Variants in HMCN2 observed in about 807,000 individuals in gnomAD.
The protein encoded by HMCN2 is hemicentin-2.
Under a neutral mutation model 377.5 loss-of-function variants are expected in HMCN2, and 325 were observed. The observed-to-expected ratio is 0.86, with a 90% CI of 0.79 to 0.94. The LOEUF (loss-of-function observed/expected upper bound fraction) is 0.94, where lower values mean the gene tolerates loss of function less well. Ranked by LOEUF, HMCN2 falls within the 40% of genes least tolerant of loss-of-function variation. The probability of loss-of-function intolerance (pLI) is 0.00; values close to 1 mark genes in which losing one functional copy is unlikely to be tolerated. For synonymous variants in HMCN2, 2,007 were observed against 2,046.8 expected (o/e 0.98, Z 0.53); for missense variants, 4,543 against 4,725.3 (o/e 0.96, Z 1.13).
At chr9:130,397,747 A>C in intron 74 of HMCN2, 92 bp downstream of exon 74, 1 of 1,146,456 alleles carries the variant, frequency 8.7e-7, no homozygotes, top group Non-Finnish European at 1.1e-6. Flanking sequence ...AGGGGCCAAG[A>C]GCCAATGGTC....
chr9:130,327,687 C>G (rs1452927929), intron 22 of HMCN2, among the ~76,000 whole-genome samples: 1 of 152,206 alleles, frequency 6.6e-6, no homozygotes, highest in Non-Finnish European at 1.5e-5. Context: ...GGTGAGACTC[C>G]CCATCTGAAA....
intron 53 of HMCN2, among the ~76,000 whole-genome samples, chr9:130,378,999 G>A (rs1841553954): frequency 6.6e-6 from 1 of 152,176 alleles, no homozygotes; most frequent in African/African-American, 2.4e-5. Context: ...CCATGTTACA[G>A]GGAGTCTTTA....
In HMCN2 at chr9:130,391,240, A is replaced by AG; in HGVS notation, c.9705dup (p.His3236AlafsTer14). On this transcript the variant is annotated frameshift_variant, in exon 64 of 98. Coordinates refer to ENST00000683500, the MANE Select transcript of HMCN2 (RefSeq NM_001291815.2). LOFTEE classifies it high-confidence loss of function. ...ATCCGGAGCTCGGGCGTGGCGCGGG[A>AG]GCACCATGTCTTGGAAGGGCAGGAG... is the stretch of plus-strand genomic sequence containing the variant. 1 of 987,722 alleles carries AG rather than the reference A, an allele frequency of 1.0e-6. No homozygotes were observed. The highest frequency in any genetic ancestry group is 1.2e-6 in the Non-Finnish European group (1 of 830,138). 61.2% of individuals were successfully genotyped at this position (987,722 alleles called of 1,614,324 possible).
intron 85 of HMCN2, among the ~76,000 whole-genome samples, chr9:130,411,463 G>A (rs781118230): frequency 1.3e-5 from 2 of 151,962 alleles, no homozygotes; most frequent in Non-Finnish European, 2.9e-5. Flanking sequence ...TTAGCTGGGC[G>A]TGGTGGCACG....
In HMCN2 at chr9:130,373,121, A is replaced by G. The variant is rs560955767; in HGVS notation, c.7435A>G (p.Thr2479Ala). The stretch of plus-strand genomic sequence containing the variant: ...GACTGCCCATCTTATGTGCAACGTC[A>G]CAGGTAAGGGCCACATGATGTGATG... ...GQTAHLMCNV[T>A]GHPQPKLTWF... The change falls in exon 48 of 98, where the codon ACA (threonine) becomes GCA (alanine). Residue 2479 changes from threonine to alanine, a missense_variant. Physicochemically the swap from Thr to Ala is moderately conservative, Grantham distance 58. Around this residue, in one of 5 missense-constraint regions of HMCN2, gnomAD observed 1,032 missense variants for 1,285.1 expected, o/e 0.80. Transcript: ENST00000683500. The G allele has an allele frequency of 9.2e-6, 9 of 980,184 alleles. No homozygotes were observed. Among genetic ancestry groups the G allele is most frequent in the Non-Finnish European group, 1.1e-5 (9 of 825,124 alleles). The allele number at this position is 980,184 out of a possible 1,614,324, so 60.7% of individuals were successfully genotyped here.
In HMCN2 at chr9:130,310,006, C is replaced by A; in HGVS notation, c.2295C>A (p.Cys765Ter). 1 of 534,014 alleles carries A rather than the reference C, an allele frequency of 1.9e-6. No homozygotes were observed. The highest frequency in any genetic ancestry group is 1.4e-5 in the South Asian group (1 of 71,394). The allele number at this position is 534,014 out of a possible 1,614,324, so 33.1% of individuals were successfully genotyped here. A position where few individuals can be genotyped will look rare whatever the true frequency, so the allele number is the denominator to read the frequency against. ...AGAGGGATGCTGGCACCTACACCTGCCGGGCTGTCAATGAGTTGGGTGACG... is the reference window on the plus strand; with the variant it reads ...AGAGGGATGCTGGCACCTACACCTGACGGGCTGTCAATGAGTTGGGTGACG... ...AQERDAGTYT[C>*]RAVNELGDAS... is the part of the protein sequence containing the mutation. The change falls in exon 15 of 98, where the codon TGC (cysteine) becomes TGA (stop). Residue 765 changes from cysteine to a stop codon, truncating the protein, a stop_gained. Transcript: ENST00000683500. LOFTEE classifies it high-confidence loss of function.
rs1834822628 is a variant in HMCN2, at chr9:130,277,859, CCA to C, written c.260-6743_260-6742del. Among the ~76,000 whole-genome samples the C allele has an allele frequency of 8.2e-5, 2 of 24,486 alleles. 1 individual carries two copies. Among genetic ancestry groups the C allele is most frequent in the Non-Finnish European group, 1.6e-4 (2 of 12,632 alleles). The allele number at this position is 24,486 out of a possible 152,430, so 16.1% of individuals were successfully genotyped here. ...ATCATCATCATCACCACCACCACCA[CCA>C]TCATCATCATCACCACCACCATCAT... On this transcript the variant is annotated intron_variant, in intron 1 of 97. Transcript: ENST00000683500.
At chr9:130,335,757 C>G (rs1281643116) in intron 22 of HMCN2, among the ~76,000 whole-genome samples, 6 of 152,208 alleles carry the variant, frequency 3.9e-5, no homozygotes, top group South Asian at 2.1e-4. Flanking sequence ...AATGGTGGTT[C>G]TCACCAGGAC....
chr9:130,403,275 G>C lies in HMCN2; in HGVS notation c.11960G>C (p.Gly3987Ala), dbSNP rs1200365531. The change falls in exon 79 of 98, where the codon GGC (glycine) becomes GCC (alanine). Residue 3987 changes from glycine (G) to alanine (A), a missense_variant. Transcript: ENST00000683500. ...EEVLLPCEAS[G>A]IPRPTITWQK... Reference sequence around the variant, plus strand: ...GTGCTGCTGCCCTGCGAGGCCTCAGGCATCCCCCGGCCGACCATCACCTGG... The same window carrying C: ...GTGCTGCTGCCCTGCGAGGCCTCAGCCATCCCCCGGCCGACCATCACCTGG... 7.8e-6 allele frequency: 10 copies of C among 1,289,664 alleles called. No individual in the cohort carries two copies. Among genetic ancestry groups the C allele is most frequent in the Non-Finnish European group, 9.1e-6 (9 of 988,854 alleles). 79.9% of individuals were successfully genotyped at this position (1,289,664 alleles called of 1,614,324 possible).
intron 6 of HMCN2, 74 bp from the exon 7 acceptor site, chr9:130,296,600 T>C (rs1042626127): frequency 1.1e-5 from 5 of 443,544 alleles, no homozygotes; most frequent in South Asian, 8.1e-5. Context: ...CTGGGTCAGG[T>C]TGGTCACCTC....
intron 87 of HMCN2, among the ~76,000 whole-genome samples, chr9:130,424,211 C>T (rs1844190822): frequency 6.7e-6 from 1 of 148,738 alleles, no homozygotes; most frequent in Admixed American, 6.7e-5. Flanking sequence ...CGGAGTCTCG[C>T]TCTGTCACCC....
At chr9:130,336,357 G>A (rs1838747393) in intron 22 of HMCN2, among the ~76,000 whole-genome samples, 1 of 152,200 alleles carries the variant, frequency 6.6e-6, no homozygotes, top group South Asian at 2.1e-4. Flanking sequence ...TATTATTTAT[G>A]CATGTGCTCT....
chr9:130,405,814 C>T (rs752739631), intron 81 of HMCN2, 141 bp from the exon 82 acceptor site: 19 of 480,258 alleles, frequency 4.0e-5, no homozygotes, highest in Middle Eastern at 7.7e-4. Context: ...GATGCTGACC[C>T]GTTTGCTAGC....
chr9:130,337,365 C>T (rs1838809103), intron 22 of HMCN2, among the ~76,000 whole-genome samples: 1 of 152,238 alleles, frequency 6.6e-6, no homozygotes, highest in South Asian at 2.1e-4. Context: ...AGAGTCAGGC[C>T]GGCCCTGGCA....
intron 1 of HMCN2, among the ~76,000 whole-genome samples, chr9:130,278,602 G>A (rs190775388): frequency 1.5e-4 from 23 of 151,530 alleles, no homozygotes; most frequent in South Asian, 4.2e-4. Flanking sequence ...TTTTTTTTGA[G>A]ACGGAGTTTT....
chr9:130,376,887 C>G (rs577359487), intron 52 of HMCN2, among the ~76,000 whole-genome samples: 2 of 151,990 alleles, frequency 1.3e-5, no homozygotes, highest in East Asian at 3.9e-4. Context: ...ACCTCTGCCT[C>G]CTGGGTTCAA....
chr9:130,279,632 C>A (rs782775524), intron 1 of HMCN2, among the ~76,000 whole-genome samples: 1 of 152,188 alleles, frequency 6.6e-6, no homozygotes, highest in Non-Finnish European at 1.5e-5. Flanking sequence ...ATATTACAGG[C>A]GTGAGCCACC....
chr9:130,392,973 G>A (rs1279573689), intron 66 of HMCN2, among the ~76,000 whole-genome samples: 1 of 151,766 alleles, frequency 6.6e-6, no homozygotes, highest in African/African-American at 2.4e-5. Flanking sequence ...TCCAGCCTGG[G>A]TGACAGAGTG....
Position 130,393,825 on chromosome 9 carries a change from C to T in HMCN2, c.10318C>T (p.Arg3440Trp), listed in dbSNP as rs189890912. ...CCTGGTGGAACTCCCGTGCGAGGCCCGGGGCGTTCCCCTGCCTCTCGTGTC... is the reference window on the plus strand; with the variant it reads ...CCTGGTGGAACTCCCGTGCGAGGCCTGGGGCGTTCCCCTGCCTCTCGTGTC... ...GSLVELPCEA[R>W]GVPLPLVSWM... Residue 3440 changes from arginine to tryptophan, a missense_variant, in exon 68 of 98, where the codon CGG becomes TGG. Arg to Trp is a moderately radical substitution (Grantham distance 101, BLOSUM62 -3). Coordinates refer to ENST00000683500, the MANE Select transcript of HMCN2 (RefSeq NM_001291815.2). The surrounding 1 kb of genome is among the most constrained non-coding windows in gnomAD (Gnocchi z 5.2). The T allele has an allele frequency of 5.2e-5, 67 of 1,289,058 alleles. 1 individual carries two copies. Among genetic ancestry groups the T allele is most frequent in the Middle Eastern group, 2.1e-4 (1 of 4,690 alleles). The allele number at this position is 1,289,058 out of a possible 1,614,324, so 79.9% of individuals were successfully genotyped here. A position where few individuals can be genotyped will look rare whatever the true frequency, so the allele number is the denominator to read the frequency against.
Sources: gnomAD v4.1 joint callset for allele counts (sites outside exome capture counted in the v4.1 genomes callset) on GRCh38, gnomAD v4.1.1 for gene constraint, gnomAD v4.1.1 regional missense constraint, Gnocchi (gnomAD v3.1) non-coding constraint, MANE v1.5 for transcripts, NCBI Gene and HGNC (gene_info 2026-07-23, HGNC 2026-07-21) for gene names.